STMN3: variants seen among roughly 807,000 people sequenced by gnomAD.
The protein encoded by STMN3 is stathmin-3.
STMN3 carries 24 observed loss-of-function variants against 23.2 expected under a neutral mutation model. The observed-to-expected ratio is 1.03, with a 90% CI of 0.75 to 1.45. The LOEUF is 1.45. STMN3 is among the 40% of genes most tolerant of loss of function. STMN3 has a pLI of 0.00. For missense variants in STMN3, 235 were observed against 237.6 expected (o/e 0.99, Z 0.07); for synonymous variants, 117 against 103.4 (o/e 1.13, Z -0.80).
chr20:63,641,322 C>T lies in STMN3; in HGVS notation c.*16G>A, dbSNP rs1406283919. On this transcript the variant is annotated 3_prime_UTR_variant, in exon 5 of 5. Coordinates refer to ENST00000370053, the MANE Select transcript of STMN3 (RefSeq NM_015894.4). ...ACGTGTTCTGTCGCAGGATGGGCGC[C>T]GCCCGTCCCGGGCCCTTAGCCCGAC... The T allele has an allele frequency of 1.9e-6, 3 of 1,559,584 alleles. No homozygotes were observed. The highest frequency in any genetic ancestry group is 1.4e-5 in the African/African-American group (1 of 73,568).
rs2089754981 is a variant in STMN3, at chr20:63,640,889, C to T, written c.*449G>A. The T allele has an allele frequency of 1.2e-5, 3 of 250,724 alleles. No homozygotes were observed. Among genetic ancestry groups the T allele is most frequent in the African/African-American group, 4.7e-5 (2 of 42,620 alleles). 15.5% of individuals were successfully genotyped at this position (250,724 alleles called of 1,614,324 possible). A position where few individuals can be genotyped will look rare whatever the true frequency, so the allele number is the denominator to read the frequency against. ...ATCACCCCCCTCCCCCGTCGCCCCT[C>T]CCTCATGGGGAGCCCCTTCCCCCTG... On this transcript the variant is annotated 3_prime_UTR_variant, in exon 5 of 5. Coordinates refer to ENST00000370053, the MANE Select transcript of STMN3 (RefSeq NM_015894.4).
intron 1 of STMN3, among the ~76,000 whole-genome samples, chr20:63,651,212 C>T (rs2089856295): frequency 6.6e-6 from 1 of 152,168 alleles, no homozygotes; most frequent in Non-Finnish European, 1.5e-5. Flanking sequence ...CCACCGGCCT[C>T]AGCCTCTCAA....
At chr20:63,649,916 T>C (rs1367564142) in intron 1 of STMN3, among the ~76,000 whole-genome samples, 1 of 150,712 alleles carries the variant, frequency 6.6e-6, no homozygotes, top group Non-Finnish European at 1.5e-5. Context: ...AACCTCTGCC[T>C]CCCCAGTTCA....
rs140005742 is a variant in STMN3 at position 63,640,875 on chromosome 20, C to A, written c.*463G>T. On this transcript the variant is annotated 3_prime_UTR_variant, in exon 5 of 5. Transcript: ENST00000370053. ...GGCTCCCAGGCACCATCACCCCCCT[C>A]CCCCGTCGCCCCTCCCTCATGGGGA... The A allele has an allele frequency of 6.4e-3, 1,622 of 252,022 alleles. 36 individuals carry two copies. Among genetic ancestry groups the A allele is most frequent in the African/African-American group, 0.036 (1,521 of 42,728 alleles). 15.6% of individuals were successfully genotyped at this position (252,022 alleles called of 1,614,324 possible).
intron 1 of STMN3, among the ~76,000 whole-genome samples, chr20:63,646,787 C>T (rs1420953319): frequency 6.6e-6 from 1 of 151,044 alleles, no homozygotes; most frequent in African/African-American, 2.4e-5. Context: ...ACTACAGGTG[C>T]ATGCCAGCAC....
chr20:63,644,072 C>A, intron 2 of STMN3, 141 bp from the exon 3 acceptor site: 1 of 1,362,762 alleles, frequency 7.3e-7, no homozygotes, highest in East Asian at 2.4e-5. Flanking sequence ...AGGCTTCAGC[C>A]CCCAGGATGG....
At chr20:63,651,305 C>T (rs1048482367) in intron 1 of STMN3, among the ~76,000 whole-genome samples, 1 of 152,218 alleles carries the variant, frequency 6.6e-6, no homozygotes, top group Non-Finnish European at 1.5e-5. Flanking sequence ...GGCAAGCATT[C>T]CACCCAGCAT....
intron 2 of STMN3, 105 bp downstream of exon 2, chr20:63,644,109 C>G: frequency 7.4e-7 from 1 of 1,345,224 alleles, no homozygotes; most frequent in Non-Finnish European, 1.0e-6. Context: ...ACCTCCCTCT[C>G]CAGAGGCAGC....
At chr20:63,649,796 C>G (rs192200910) in intron 1 of STMN3, among the ~76,000 whole-genome samples, 1 of 150,388 alleles carries the variant, frequency 6.6e-6, no homozygotes, top group Non-Finnish European at 1.5e-5. Context: ...TCCCAAAGTG[C>G]TGGGATTACA....
intron 3 of STMN3, among the ~76,000 whole-genome samples, chr20:63,642,850 C>T (rs1392750862): frequency 2.0e-5 from 3 of 152,154 alleles, no homozygotes; most frequent in Admixed American, 6.5e-5. Context: ...ACCCACATGC[C>T]AGTCCCTACT....
intron 1 of STMN3, 142 bp from the exon 2 acceptor site, chr20:63,644,451 G>A (rs1010079804): frequency 3.3e-5 from 21 of 643,606 alleles, no homozygotes; most frequent in Non-Finnish European, 4.9e-5. Flanking sequence ...TCTCCACACC[G>A]CCGGCCCCTT....
chr20:63,652,903 C>G lies in STMN3; in HGVS notation c.19+424G>C, dbSNP rs1382681927. Reference sequence around the variant, plus strand: ...CCCGGCTGGGGCTTTGGCAGAGGGTCCCACCCTCTCCCCGCCTCCCCACGA... The same window carrying G: ...CCCGGCTGGGGCTTTGGCAGAGGGTGCCACCCTCTCCCCGCCTCCCCACGA... On this transcript the variant is annotated intron_variant, in intron 1 of 4. Transcript: ENST00000370053. This position sits in a 1 kb window ranked among gnomAD's most constrained non-coding sequence, Gnocchi z 5.3. The G allele has an allele frequency of 1.1e-5, 6 of 565,196 alleles. No individual in the cohort carries two copies. The highest frequency in any genetic ancestry group is 1.3e-5 in the Non-Finnish European group (6 of 445,840). 35.0% of individuals were successfully genotyped at this position (565,196 alleles called of 1,614,324 possible). A position where few individuals can be genotyped will look rare whatever the true frequency, so the allele number is the denominator to read the frequency against.
chr20:63,644,363 C>G, intron 1 of STMN3, 54 bp from the exon 2 acceptor site: 1 of 1,363,402 alleles, frequency 7.3e-7, no homozygotes, highest in East Asian at 2.4e-5. Context: ...CCCACCTGGG[C>G]CCCCGTTTTC....
chr20:63,647,948 G>GTGTGTGTGTATATA (rs1320052757), intron 1 of STMN3, among the ~76,000 whole-genome samples: 9 of 63,836 alleles, frequency 1.4e-4, no homozygotes, highest in South Asian at 8.4e-4. Context: ...GTGTGTGTGT[G>GTGTGTGTGTATATA]TATATATATA....
chr20:63,648,094 G>A (rs906398963), intron 1 of STMN3, among the ~76,000 whole-genome samples: 4 of 149,246 alleles, frequency 2.7e-5, no homozygotes, highest in Non-Finnish European at 5.9e-5. Flanking sequence ...CAAAGCACTA[G>A]GATTATAGGT....
chr20:63,651,802 T>C (rs540697257), intron 1 of STMN3, among the ~76,000 whole-genome samples: 2 of 152,212 alleles, frequency 1.3e-5, no homozygotes, highest in African/African-American at 4.8e-5. Flanking sequence ...AGACTCTGGG[T>C]TGCAGAAGGA....
chr20:63,647,677 A>G (rs920817366), intron 1 of STMN3, among the ~76,000 whole-genome samples: 17 of 96,652 alleles, frequency 1.8e-4, no homozygotes, highest in East Asian at 1.7e-3. Context: ...ATATATACGT[A>G]TATATACACG....
chr20:63,651,176 G>A (rs2089856044), intron 1 of STMN3, among the ~76,000 whole-genome samples: 1 of 152,128 alleles, frequency 6.6e-6, no homozygotes, highest in African/African-American at 2.4e-5. Flanking sequence ...GGCCAGGCTA[G>A]TCTCGAACTC....
Position 63,642,087 on chromosome 20 carries a change from G to T in STMN3, c.483+21C>A. On this transcript the variant is annotated intron_variant, in intron 4 of 4. Coordinates refer to ENST00000370053, the MANE Select transcript of STMN3 (RefSeq NM_015894.4). ...CCGGCCCCTGCCCGCTCCGAGCTCC[G>T]CCCCGGCCCCGCCCCCGCACCTTCT... is the stretch of plus-strand genomic sequence containing the variant. 3 of 1,323,650 alleles carry T rather than the reference G, an allele frequency of 2.3e-6. No homozygotes were observed. The Admixed American group carries it at 1.0e-4, about 46-fold the overall frequency. 82.0% of individuals were successfully genotyped at this position (1,323,650 alleles called of 1,614,324 possible). A position where few individuals can be genotyped will look rare whatever the true frequency, so the allele number is the denominator to read the frequency against.
Sources: gnomAD v4.1 joint callset for allele counts (sites outside exome capture counted in the v4.1 genomes callset) on GRCh38, gnomAD v4.1.1 for gene constraint, Gnocchi (gnomAD v3.1) non-coding constraint, MANE v1.5 for transcripts, NCBI Gene and HGNC (gene_info 2026-07-23, HGNC 2026-07-21) for gene names.